The following IGF1R variants were observed in gnomAD, a reference collection of about 807,000 sequenced individuals.
The protein encoded by IGF1R is insulin like growth factor 1 receptor.
Under a neutral mutation model 144.6 loss-of-function variants are expected in IGF1R, and 44 were observed. That is an observed-to-expected ratio of 0.30 (90% CI 0.24 to 0.39). The LOEUF is 0.39. Ranked by LOEUF, IGF1R falls within the 10% of genes least tolerant of loss-of-function variation. The pLI is 1.00. For synonymous variants in IGF1R, 795 were observed against 722.8 expected, an observed-to-expected ratio of 1.10 and a Z score of -1.60; for missense variants, 1,355 against 1,833.7, an observed-to-expected ratio of 0.74 and a Z score of 4.77.
At chr15:98,738,895 T>G (rs2077367298) in intron 2 of IGF1R, among the ~76,000 whole-genome samples, 1 of 152,178 alleles carries the variant, frequency 6.6e-6, no homozygotes. Flanking sequence ...TTGCACATGT[T>G]TTCTCACCCT....
chr15:98,838,374 T>C (rs768279146), intron 2 of IGF1R, among the ~76,000 whole-genome samples: 7 of 152,244 alleles, frequency 4.6e-5, no homozygotes, highest in Middle Eastern at 3.2e-3. Flanking sequence ...CCTCTGCCTC[T>C]CATTCCAGGC....
At chr15:98,683,384 C>T (rs1241330683) in intron 1 of IGF1R, among the ~76,000 whole-genome samples, 1 of 152,208 alleles carries the variant, frequency 6.6e-6, no homozygotes, top group Non-Finnish European at 1.5e-5. Context: ...GTGAGGTCTC[C>T]TCCTTTAGTC....
Position 98,935,695 on chromosome 15 carries a change from G to C in IGF1R, c.3297+269G>C, listed in dbSNP as rs879423468. 1.3e-5 allele frequency among the ~76,000 whole-genome samples: 2 copies of C among 150,656 alleles called. No homozygotes were observed. Among genetic ancestry groups the C allele is most frequent in the African/African-American group, 2.5e-5 (1 of 40,810 alleles). ...TGTTCCTGCATTCCCTCCACCCCCA[G>C]TCCCCTCCCCACATCAGTGTCCACC... is the stretch of plus-strand genomic sequence containing the variant. On this transcript the variant is annotated intron_variant, in intron 17 of 20. Transcript: ENST00000650285. The surrounding 1 kb of genome is among the most constrained non-coding windows in gnomAD (Gnocchi z 4.2).
At chr15:98,888,917 T>G (rs896934578) in intron 2 of IGF1R, among the ~76,000 whole-genome samples, 2 of 152,346 alleles carry the variant, frequency 1.3e-5, no homozygotes, top group African/African-American at 4.8e-5. Context: ...TCTTGATGTT[T>G]CGCCTTGTGG....
intron 1 of IGF1R, among the ~76,000 whole-genome samples, chr15:98,662,910 T>C (rs1459089537): frequency 6.6e-6 from 1 of 152,016 alleles, no homozygotes; most frequent in African/African-American, 2.4e-5. Context: ...GACTGCTGGC[T>C]AGAGAATGAG....
chr15:98,713,413 TTGCTGTCATTGC>T (rs1231138812), intron 2 of IGF1R, among the ~76,000 whole-genome samples: 1 of 142,340 alleles, frequency 7.0e-6, no homozygotes, highest in Non-Finnish European at 1.6e-5. Flanking sequence ...TGTGTCATTG[TTGCTGTCATTGC>T]TACTGAGGAG....
chr15:98,905,068 G>A (rs1163398285), intron 5 of IGF1R, among the ~76,000 whole-genome samples: 1 of 152,208 alleles, frequency 6.6e-6, no homozygotes, highest in African/African-American at 2.4e-5. Flanking sequence ...TTGCCCAGAG[G>A]GGTTCCTCAG....
At chr15:98,755,328 G>A (rs1392653572) in intron 2 of IGF1R, among the ~76,000 whole-genome samples, 1 of 152,058 alleles carries the variant, frequency 6.6e-6, no homozygotes, top group Non-Finnish European at 1.5e-5. Context: ...GCCATCATCT[G>A]TTGATGGACA....
At chr15:98,948,067 T>C (rs2016623063) in intron 19 of IGF1R, among the ~76,000 whole-genome samples, 1 of 152,104 alleles carries the variant, frequency 6.6e-6, no homozygotes, top group Non-Finnish European at 1.5e-5. Context: ...ACCACCTGGG[T>C]AGAGGTTTCC....
At chr15:98,653,737 C>G (rs565171829) in intron 1 of IGF1R, among the ~76,000 whole-genome samples, 14 of 152,310 alleles carry the variant, frequency 9.2e-5, no homozygotes, top group African/African-American at 3.4e-4. Flanking sequence ...TGCTTTTGGT[C>G]TTTGTCTAAG....
Position 98,963,869 on chromosome 15 carries a change from T to A in IGF1R, c.*6427T>A. On this transcript the variant is annotated 3_prime_UTR_variant, in exon 21 of 21. Coordinates refer to ENST00000650285, the MANE Select transcript of IGF1R (RefSeq NM_000875.5). Reference sequence around the variant, plus strand: ...TTGACTCCACTTCCTCTAACTCCAGTGGATTGTTGGCCATGTCTCCCCAAC... The same window carrying A: ...TTGACTCCACTTCCTCTAACTCCAGAGGATTGTTGGCCATGTCTCCCCAAC... 1 of 233,196 alleles carries A rather than the reference T, an allele frequency of 4.3e-6. No homozygotes were observed. The highest frequency in any genetic ancestry group is 6.0e-5 in the East Asian group (1 of 16,574). The allele number at this position is 233,196 out of a possible 1,614,324, so 14.4% of individuals were successfully genotyped here.
intron 2 of IGF1R, among the ~76,000 whole-genome samples, chr15:98,806,897 A>C (rs528424844): frequency 2.0e-5 from 3 of 152,190 alleles, no homozygotes; most frequent in Non-Finnish European, 4.4e-5. Context: ...GCGGTGGCTC[A>C]CACCTGTAAT....
intron 2 of IGF1R, among the ~76,000 whole-genome samples, chr15:98,770,070 C>T (rs2055545332): frequency 6.6e-6 from 1 of 152,198 alleles, no homozygotes; most frequent in South Asian, 2.1e-4. Flanking sequence ...TCTCAAGTCT[C>T]TTCCCCTCCT....
intron 10 of IGF1R, among the ~76,000 whole-genome samples, chr15:98,921,635 C>G (rs1167748704): frequency 1.3e-5 from 2 of 152,090 alleles, no homozygotes; most frequent in African/African-American, 4.8e-5. Flanking sequence ...CTGCTAGACT[C>G]CAGGCATCTT....
chr15:98,851,404 A>G (rs753452347), intron 2 of IGF1R, among the ~76,000 whole-genome samples: 4 of 152,182 alleles, frequency 2.6e-5, no homozygotes, highest in Non-Finnish European at 5.9e-5. Context: ...CAAGAGTGAC[A>G]ACGTGACTTA....
At chr15:98,831,523 CCCTT>C (rs1371069388) in intron 2 of IGF1R, among the ~76,000 whole-genome samples, 8 of 152,166 alleles carry the variant, frequency 5.3e-5, no homozygotes, top group Admixed American at 5.2e-4. Context: ...GAGGGTTGAT[CCCTT>C]CCTTCCCCAT....
chr15:98,945,451 C>T (rs1445678522), intron 19 of IGF1R, among the ~76,000 whole-genome samples: 1 of 152,160 alleles, frequency 6.6e-6, no homozygotes. Flanking sequence ...GGGGAAACAA[C>T]GTCAAGGTTC....
intron 1 of IGF1R, among the ~76,000 whole-genome samples, chr15:98,700,569 G>A (rs956734252): frequency 5.3e-5 from 8 of 152,192 alleles, no homozygotes; most frequent in Non-Finnish European, 1.5e-5. Context: ...TGGTCCTGAT[G>A]CATGTTGAGG....
At position 98,916,717 on chromosome 15, in the gene IGF1R, A is replaced by G. The variant is rs200059469; in HGVS notation, c.2042A>G (p.Glu681Gly). The G allele has an allele frequency of 1.2e-5, 19 of 1,614,100 alleles. No individual in the cohort carries two copies. In the Admixed American group the frequency reaches 1.3e-4, roughly 11 times the overall value. Residue 681 changes from glutamate (E) to glycine (G), a missense_variant, in exon 10 of 21, where the codon GAG (glutamate) becomes GGG (glycine). Physicochemically the swap from Glu to Gly is moderately conservative, Grantham distance 98. Around this residue, in one of 7 missense-constraint regions of IGF1R, gnomAD observed 880 missense variants for 1,202.7 expected, o/e 0.73. Transcript: ENST00000650285. The stretch of plus-strand genomic sequence containing the variant: ...TATGCCGACGGCACCATCGACATTG[A>G]GGAGGTCACAGAGAACCCCAAGACT... The part of the protein sequence containing the change: ...RKYADGTIDI[E>G]EVTENPKTEV...
Sources: allele counts gnomAD v4.1 joint callset (sites outside exome capture counted in the v4.1 genomes callset), GRCh38; gene constraint gnomAD v4.1.1; regional missense constraint gnomAD v4.1.1; non-coding constraint Gnocchi (gnomAD v3.1); transcripts MANE v1.5; gene names NCBI Gene and HGNC (gene_info 2026-07-23, HGNC 2026-07-21).